Variants in PCDHA9 observed in about 807,000 individuals in gnomAD.
PCDHA9 encodes protocadherin alpha-9.
Under a neutral mutation model 62.0 loss-of-function variants are expected in PCDHA9, and 62 were observed. The ratio of observed to expected loss-of-function variants is 1.00; its 90% confidence interval spans 0.81 to 1.23. PCDHA9 has a LOEUF of 1.23. PCDHA9 is among the 50% of genes most tolerant of loss of function. The pLI is 0.00. For missense variants in PCDHA9, 1,205 were observed against 1,249.8 expected, an observed-to-expected ratio of 0.96 and a Z score of 0.54; for synonymous variants, 557 against 567.6, an observed-to-expected ratio of 0.98 and a Z score of 0.27.
intron 1 of PCDHA9, among the ~76,000 whole-genome samples, chr5:140,924,446 G>A (rs1554201951): frequency 6.6e-6 from 1 of 152,110 alleles, no homozygotes; most frequent in African/African-American, 2.4e-5. Context: ...ATAACGAATG[G>A]GTTTGTGTGT....
At position 140,876,889 on chromosome 5, in the gene PCDHA9, C is replaced by G. The variant is rs1409299527; in HGVS notation, c.2394+26000C>G. On this transcript the variant is annotated intron_variant, in intron 1 of 3. Coordinates refer to ENST00000532602, the MANE Select transcript of PCDHA9 (RefSeq NM_031857.2). ...GAAGGAGAACAACCCGCCGGGCTGC[C>G]ACATCTTCACGGTGTCGGCATGGGA... 3.1e-6 allele frequency: 5 copies of G among 1,613,996 alleles called. No homozygotes were observed. In the African/African-American group the frequency reaches 6.7e-5, roughly 22 times the overall value.
chr5:141,007,325 C>T (rs1303133451), intron 3 of PCDHA9, among the ~76,000 whole-genome samples: 1 of 145,322 alleles, frequency 6.9e-6, no homozygotes, highest in Non-Finnish European at 1.5e-5. Flanking sequence ...CTAAAGTGGA[C>T]AGATTGCCTG....
At chr5:140,870,134 A>G (rs2051696193) in intron 1 of PCDHA9, 1 of 1,613,888 alleles carries the variant, frequency 6.2e-7, no homozygotes, top group African/African-American at 1.3e-5. Flanking sequence ...GACACCAACG[A>G]TAACTCTCCT....
At chr5:140,857,724 A>C in intron 1 of PCDHA9, 1 of 1,597,434 alleles carries the variant, frequency 6.3e-7, no homozygotes. Flanking sequence ...GACGAGAACG[A>C]CAACGCTCCC....
chr5:140,922,726 C>T lies in PCDHA9; in HGVS notation c.2395-56223C>T, dbSNP rs118091551. On this transcript the variant is annotated intron_variant, in intron 1 of 3. Coordinates refer to ENST00000532602, the MANE Select transcript of PCDHA9 (RefSeq NM_031857.2). ...GTCAAGAACAAAAAGAAACACTTGA[C>T]AAGGTTGAGAAAAATAAATGGAAAA... is the stretch of plus-strand genomic sequence containing the variant. 6.6e-5 allele frequency among the ~76,000 whole-genome samples: 10 copies of T among 152,012 alleles called. No homozygotes were observed. The East Asian group carries it at 1.9e-3, about 29-fold the overall frequency.
intron 1 of PCDHA9, chr5:140,871,557 T>C (rs2053187983): frequency 1.3e-6 from 2 of 1,489,740 alleles, no homozygotes. Flanking sequence ...AATCCAGTTT[T>C]TTTTCACGGA....
At chr5:140,967,051 G>C in intron 1 of PCDHA9, 2 of 1,612,562 alleles carry the variant, frequency 1.2e-6, no homozygotes, top group Non-Finnish European at 1.7e-6. Context: ...TGGACCTGAC[G>C]AGTGGAGCGC....
At chr5:140,875,536 G>A (rs2055577552) in intron 1 of PCDHA9, 2 of 1,614,130 alleles carry the variant, frequency 1.2e-6, no homozygotes, top group Non-Finnish European at 1.7e-6. Flanking sequence ...TCTGCTCCTT[G>A]CAGCCTGGGA....
intron 1 of PCDHA9, among the ~76,000 whole-genome samples, chr5:140,878,642 A>T (rs868995118): frequency 6.6e-6 from 1 of 152,216 alleles, no homozygotes; most frequent in East Asian, 1.9e-4. Context: ...TTCTATTTCT[A>T]CAAAAATATC....
intron 1 of PCDHA9, among the ~76,000 whole-genome samples, chr5:140,944,651 C>T (rs1554216459): frequency 6.6e-6 from 1 of 152,152 alleles, no homozygotes; most frequent in Non-Finnish European, 1.5e-5. Context: ...ATTGGGAGTC[C>T]ATACCCCTTA....
chr5:140,951,659 C>A (rs1293655737), intron 1 of PCDHA9, among the ~76,000 whole-genome samples: 1 of 152,164 alleles, frequency 6.6e-6, no homozygotes, highest in Non-Finnish European at 1.5e-5. Context: ...CCCACCAGGG[C>A]CTGCCTACAA....
At chr5:140,878,832 G>A (rs1416879653) in intron 1 of PCDHA9, among the ~76,000 whole-genome samples, 1 of 152,138 alleles carries the variant, frequency 6.6e-6, no homozygotes, top group African/African-American at 2.4e-5. Flanking sequence ...TGCACAGGCT[G>A]GACTAGAACT....
intron 1 of PCDHA9, chr5:140,866,169 T>C (rs914189373): frequency 2.0e-5 from 3 of 152,132 alleles, no homozygotes; most frequent in African/African-American, 4.8e-5. Context: ...TCGTTTAACA[T>C]GTAAGAAAAG....
chr5:140,994,142 G>A (rs550428204), intron 3 of PCDHA9, among the ~76,000 whole-genome samples: 21 of 152,298 alleles, frequency 1.4e-4, no homozygotes, highest in South Asian at 4.1e-4. Context: ...AATGCCCTAC[G>A]TAGGTAGGGT....
At chr5:140,863,712 G>A (rs2048130795) in intron 1 of PCDHA9, 1 of 282,034 alleles carries the variant, frequency 3.5e-6, no homozygotes, top group East Asian at 9.1e-5. Flanking sequence ...AAGTACACTG[G>A]GGCCGGGTGC....
intron 1 of PCDHA9, chr5:140,966,280 G>A (rs782249047): frequency 2.0e-4 from 74 of 365,660 alleles, no homozygotes; most frequent in Middle Eastern, 6.9e-4. Context: ...CTGGACAGTG[G>A]GGGTAGGGAG....
At chr5:140,893,261 C>T (rs2063902016) in intron 1 of PCDHA9, among the ~76,000 whole-genome samples, 1 of 152,104 alleles carries the variant, frequency 6.6e-6, no homozygotes, top group Non-Finnish European at 1.5e-5. Context: ...TGGATAAATG[C>T]CCAATAGTGG....
At chr5:140,874,406 C>T (rs1399717105) in intron 1 of PCDHA9, among the ~76,000 whole-genome samples, 2 of 152,122 alleles carry the variant, frequency 1.3e-5, no homozygotes, top group Non-Finnish European at 2.9e-5. Flanking sequence ...ATAACAGTCA[C>T]CATTCTGATT....
intron 1 of PCDHA9, among the ~76,000 whole-genome samples, chr5:140,945,912 A>G (rs1351762760): frequency 2.0e-5 from 3 of 152,132 alleles, no homozygotes; most frequent in African/African-American, 7.2e-5. Flanking sequence ...TGAAAGATCA[A>G]TAACACTGAT....
Sources: gnomAD v4.1 joint callset for allele counts (sites outside exome capture counted in the v4.1 genomes callset) on GRCh38, gnomAD v4.1.1 for gene constraint, MANE v1.5 for transcripts, NCBI Gene and HGNC (gene_info 2026-07-23, HGNC 2026-07-21) for gene names.